The following OR4N2 variants were observed in gnomAD, a reference collection of about 807,000 sequenced individuals.
OR4N2 encodes the protein olfactory receptor 4N2.
For synonymous variants in OR4N2, 141 were observed against 140.4 expected (o/e 1.00, Z -0.03); for missense variants, 307 against 377.6 (o/e 0.81, Z 1.55).
In OR4N2 at chr14:19,827,445, G is replaced by A. The variant is rs777550814; in HGVS notation, c.-4G>A. The A allele has an allele frequency of 3.8e-6, 6 of 1,575,758 alleles. No homozygotes were observed. The highest frequency in any genetic ancestry group is 1.7e-4 in the Middle Eastern group (1 of 5,872). ...TGCTTCTTAATGTACTGCAGGCCAG[G>A]GAAATGGAAAGCGAGAACAGAACAG... On this transcript the variant is annotated 5_prime_UTR_variant, in exon 2 of 2. Transcript: ENST00000557677.
chr14:19,804,303 G>GA (rs1228219617), intron 1 of OR4N2, among the ~76,000 whole-genome samples: 1 of 152,036 alleles, frequency 6.6e-6, no homozygotes, highest in African/African-American at 2.4e-5. Context: ...ATGTTAATTT[G>GA]AAATCTTTCC....
intron 1 of OR4N2, among the ~76,000 whole-genome samples, chr14:19,821,715 T>A (rs72663739): frequency 0.014 from 2,090 of 152,076 alleles, 4 homozygotes; most frequent in Middle Eastern, 0.034. Context: ...TTTAAAAAAA[T>A]TTAGTTCTTG....
At chr14:19,815,567 A>T (rs1239734613) in intron 1 of OR4N2, among the ~76,000 whole-genome samples, 1 of 150,904 alleles carries the variant, frequency 6.6e-6, no homozygotes, top group East Asian at 1.9e-4. Flanking sequence ...TAGATGCTGG[A>T]TATTAGCCCT....
At chr14:19,811,347 T>C (rs1197933114) in intron 1 of OR4N2, among the ~76,000 whole-genome samples, 1 of 152,242 alleles carries the variant, frequency 6.6e-6, no homozygotes, top group African/African-American at 2.4e-5. Context: ...CCTGGGTTAA[T>C]GCCATTCTCC....
chr14:19,828,206 C>G lies in OR4N2; in HGVS notation c.758C>G (p.Pro253Arg), dbSNP rs779340421. 1 of 1,614,144 alleles carries G rather than the reference C, an allele frequency of 6.2e-7. No individual in the cohort carries two copies. Among genetic ancestry groups the G allele is most frequent in the South Asian group, 1.1e-5 (1 of 91,076 alleles). The change falls in exon 2 of 2, where the codon CCT becomes CGT. Residue 253 changes from proline to arginine, a missense_variant. Physicochemically the swap from Pro to Arg is moderately radical, Grantham distance 103. Coordinates refer to ENST00000557677, the MANE Select transcript of OR4N2 (RefSeq NM_001004723.3). ...HIIVIFFMFG[P>R]GIFIYTRPFR... ...ATTGTTATATTCTTCATGTTTGGAC[C>G]TGGCATCTTCATCTACACGCGCCCC...
intron 1 of OR4N2, among the ~76,000 whole-genome samples, chr14:19,807,821 T>C (rs1420205923): frequency 6.6e-6 from 1 of 152,150 alleles, no homozygotes; most frequent in Non-Finnish European, 1.5e-5. Flanking sequence ...TGAATACAGA[T>C]GCAAATATCA....
At position 19,827,851 on chromosome 14, in the gene OR4N2, G is replaced by T; in HGVS notation, c.403G>T (p.Val135Phe). 6.2e-7 allele frequency: 1 copy of T among 1,610,378 alleles called. No homozygotes were observed. The change falls in exon 2 of 2, where the codon GTC becomes TTC. Residue 135 changes from valine to phenylalanine, a missense_variant. Coordinates refer to ENST00000557677, the MANE Select transcript of OR4N2 (RefSeq NM_001004723.3). ...CTGCCGGCCTCTGCACTATCCTACT[G>T]TCATGAACCCTAGAACCTGCTATGC... Reference protein sequence around the residue: ...AICRPLHYPTVMNPRTCYAMM... With the variant: ...AICRPLHYPTFMNPRTCYAMM...
chr14:19,806,394 C>CA (rs1566461532), intron 1 of OR4N2, among the ~76,000 whole-genome samples: 3 of 151,970 alleles, frequency 2.0e-5, no homozygotes, highest in South Asian at 4.1e-4. Context: ...GTCATGTAAA[C>CA]AAAAAACAAA....
chr14:19,818,055 T>C (rs1879471728), intron 1 of OR4N2, among the ~76,000 whole-genome samples: 1 of 152,254 alleles, frequency 6.6e-6, no homozygotes, highest in African/African-American at 2.4e-5. Flanking sequence ...TGAGAGACTA[T>C]TTGTTATGAT....
chr14:19,804,012 T>TA (rs1356888643), intron 1 of OR4N2, among the ~76,000 whole-genome samples, 168 bp downstream of exon 1: 1 of 152,252 alleles, frequency 6.6e-6, no homozygotes, highest in East Asian at 1.9e-4. Context: ...TGAGGGTTTT[T>TA]AAAAAATATT....
intron 1 of OR4N2, among the ~76,000 whole-genome samples, chr14:19,813,511 A>G (rs1396023732): frequency 3.9e-5 from 6 of 152,244 alleles, no homozygotes; most frequent in Admixed American, 3.3e-4. Context: ...ACTGCAGTAG[A>G]TTTTTCCTTA....
intron 1 of OR4N2, among the ~76,000 whole-genome samples, chr14:19,814,901 T>G (rs1879387341): frequency 6.6e-6 from 1 of 152,222 alleles, no homozygotes; most frequent in African/African-American, 2.4e-5. Context: ...AACTCCCACT[T>G]AAGAGTGAGA....
At position 19,828,188 on chromosome 14, in the gene OR4N2, T is replaced by C. The variant is rs1879772125; in HGVS notation, c.740T>C (p.Ile247Thr). ...MSTCITHIIV[I>T]FFMFGPGIFI... is the part of the protein sequence containing the mutation. Reference sequence around the variant, plus strand: ...ACGTGCATCACCCATATCATTGTTATATTCTTCATGTTTGGACCTGGCATC... The same window carrying C: ...ACGTGCATCACCCATATCATTGTTACATTCTTCATGTTTGGACCTGGCATC... Residue 247 changes from isoleucine (I) to threonine (T), a missense_variant, in exon 2 of 2, where the codon ATA becomes ACA. Physicochemically the swap from Ile to Thr is moderately conservative, Grantham distance 89. Transcript: ENST00000557677. 1.2e-6 allele frequency: 2 copies of C among 1,614,266 alleles called. No individual in the cohort carries two copies. Among genetic ancestry groups the C allele is most frequent in the Non-Finnish European group, 1.7e-6 (2 of 1,180,046 alleles).
At position 19,817,036 on chromosome 14, in the gene OR4N2, G is replaced by T. The variant is rs1185445795; in HGVS notation, c.-9-10404G>T. On this transcript the variant is annotated intron_variant, in intron 1 of 1. Coordinates refer to ENST00000557677, the MANE Select transcript of OR4N2 (RefSeq NM_001004723.3). ...TGAACCAGCCTTGCATCCCAGGGATGAAGCTGAGTTGATCATGGTGGATAA... is the reference window on the plus strand; with the variant it reads ...TGAACCAGCCTTGCATCCCAGGGATTAAGCTGAGTTGATCATGGTGGATAA... Among the ~76,000 whole-genome samples, 3 of 152,256 alleles carry T rather than the reference G, an allele frequency of 2.0e-5. No homozygotes were observed. The East Asian group carries it at 5.8e-4, about 29-fold the overall frequency.
intron 1 of OR4N2, among the ~76,000 whole-genome samples, chr14:19,816,876 CT>C (rs1192607604): frequency 6.6e-6 from 1 of 152,186 alleles, no homozygotes; most frequent in Non-Finnish European, 1.5e-5. Flanking sequence ...TCCATCAATA[CT>C]TAGTTTATTT....
intron 1 of OR4N2, among the ~76,000 whole-genome samples, chr14:19,817,688 T>C (rs9743903): frequency 0.11 from 17,130 of 149,794 alleles, 585 homozygotes; most frequent in South Asian, 0.24. Context: ...TCTATCTCCT[T>C]CAGTTCTGCT....
chr14:19,815,320 C>T (rs1006731944), intron 1 of OR4N2, among the ~76,000 whole-genome samples: 1 of 152,276 alleles, frequency 6.6e-6, no homozygotes, highest in Non-Finnish European at 1.5e-5. Context: ...TCTCCACATC[C>T]TCTCCAGCAT....
chr14:19,811,016 A>C (rs909053153), intron 1 of OR4N2, among the ~76,000 whole-genome samples: 1 of 152,260 alleles, frequency 6.6e-6, no homozygotes, highest in African/African-American at 2.4e-5. Context: ...ATACTAAGAA[A>C]ATTCCAGGTT....
Position 19,825,947 on chromosome 14 carries a change from C to A in OR4N2, c.-9-1493C>A, listed in dbSNP as rs537948493. Among the ~76,000 whole-genome samples, 27 of 152,240 alleles carry A rather than the reference C, an allele frequency of 1.8e-4. No individual in the cohort carries two copies. In the South Asian group the frequency reaches 3.1e-3, roughly 18 times the overall value. On this transcript the variant is annotated intron_variant, in intron 1 of 1. Transcript: ENST00000557677. ...ATTACAGTTTGTATTTTGTTGTAGGCCAGTAATTTTCAAACTTAAAAAATC... is the reference window on the plus strand; with the variant it reads ...ATTACAGTTTGTATTTTGTTGTAGGACAGTAATTTTCAAACTTAAAAAATC...
Sources: allele counts gnomAD v4.1 joint callset (sites outside exome capture counted in the v4.1 genomes callset), GRCh38; gene constraint gnomAD v4.1.1; transcripts MANE v1.5; gene names NCBI Gene and HGNC (gene_info 2026-07-23, HGNC 2026-07-21).